CPNE8: variants seen among roughly 807,000 people sequenced by gnomAD.
CPNE8 encodes copine-8.
Under a neutral mutation model 81.5 loss-of-function variants are expected in CPNE8, and 45 were observed. The observed-to-expected ratio is 0.55, with a 90% CI of 0.44 to 0.71. The LOEUF (loss-of-function observed/expected upper bound fraction) is 0.71. Among genes scored for constraint, CPNE8 ranks in the 30% least tolerant of loss-of-function variants. CPNE8 has a pLI of 0.00. For missense variants in CPNE8, 594 were observed against 672.1 expected, an observed-to-expected ratio of 0.88 and a Z score of 1.28; for synonymous variants, 252 against 226.3, an observed-to-expected ratio of 1.11 and a Z score of -1.02.
chr12:38,797,420 C>T (rs192883115), intron 6 of CPNE8, among the ~76,000 whole-genome samples: 54 of 152,280 alleles, frequency 3.5e-4, no homozygotes, highest in South Asian at 1.0e-3. Flanking sequence ...GACACGGCTG[C>T]GGATACCCAG....
At chr12:38,717,438 T>TATATATATATATATATAC (rs1940430025) in intron 13 of CPNE8, among the ~76,000 whole-genome samples, 1 of 128,356 alleles carries the variant, frequency 7.8e-6, no homozygotes, top group Admixed American at 7.6e-5. Context: ...TGTATATATA[T>TATATATATATATATATAC]ATATATATAT....
At chr12:38,700,549 T>C (rs781542950) in intron 14 of CPNE8, among the ~76,000 whole-genome samples, 13 of 152,164 alleles carry the variant, frequency 8.5e-5, no homozygotes, top group South Asian at 2.1e-4. Flanking sequence ...TATTTCTAGT[T>C]TGTGGAGTGT....
chr12:38,827,624 G>A (rs984271123), intron 6 of CPNE8, among the ~76,000 whole-genome samples: 1 of 152,144 alleles, frequency 6.6e-6, no homozygotes, highest in African/African-American at 2.4e-5. Flanking sequence ...ATACAACATG[G>A]AATATTATAT....
chr12:38,696,156 C>G (rs1313533733), intron 14 of CPNE8, among the ~76,000 whole-genome samples: 1 of 151,990 alleles, frequency 6.6e-6, no homozygotes, highest in East Asian at 1.9e-4. Flanking sequence ...AAAGATGTTA[C>G]CTATCTCTTT....
chr12:38,746,568 A>G (rs564889361), intron 10 of CPNE8, among the ~76,000 whole-genome samples: 67 of 152,368 alleles, frequency 4.4e-4, no homozygotes, highest in African/African-American at 1.3e-3. Flanking sequence ...CATGATATTG[A>G]GAACTCTGCT....
At chr12:38,808,782 A>G (rs997574185) in intron 6 of CPNE8, among the ~76,000 whole-genome samples, 1 of 151,690 alleles carries the variant, frequency 6.6e-6, no homozygotes, top group East Asian at 1.9e-4. Context: ...AAAAAAGACT[A>G]TATAAAAAAA....
Position 38,705,479 on chromosome 12 carries a change from AT to A in CPNE8, c.915-2559del, listed in dbSNP as rs560841459. Among the ~76,000 whole-genome samples the A allele has an allele frequency of 1.5e-3, 221 of 152,240 alleles. 1 individual carries two copies. The highest frequency in any genetic ancestry group is 5.0e-3 in the African/African-American group (208 of 41,540). ...CCCTTTATATTAATAGTTATATGGT[AT>A]TTTTTTCTCAGAGTAGAAATCAGGT... On this transcript the variant is annotated intron_variant, in intron 13 of 19. Coordinates refer to ENST00000331366, the MANE Select transcript of CPNE8 (RefSeq NM_153634.3).
chr12:38,879,643 C>G (rs1046805486), intron 1 of CPNE8, among the ~76,000 whole-genome samples: 3 of 152,014 alleles, frequency 2.0e-5, no homozygotes, highest in Non-Finnish European at 4.4e-5. Flanking sequence ...CAGATAAAAT[C>G]ACCTAATAAA....
At chr12:38,699,286 T>G (rs1474839811) in intron 14 of CPNE8, among the ~76,000 whole-genome samples, 1 of 152,214 alleles carries the variant, frequency 6.6e-6, no homozygotes, top group Non-Finnish European at 1.5e-5. Context: ...ATCAGTATAC[T>G]ATAAAAAGAT....
chr12:38,870,096 G>A (rs1166956918), intron 3 of CPNE8, among the ~76,000 whole-genome samples: 1 of 152,236 alleles, frequency 6.6e-6, no homozygotes, highest in Non-Finnish European at 1.5e-5. Context: ...CAAGGGCTGT[G>A]TAGCCAGATG....
chr12:38,779,018 C>T (rs1941991667), intron 6 of CPNE8, among the ~76,000 whole-genome samples: 1 of 152,122 alleles, frequency 6.6e-6, no homozygotes, highest in African/African-American at 2.4e-5. Context: ...CAGCATCCTT[C>T]CAGCATCCTT....
At chr12:38,878,241 C>A (rs1452911412) in intron 1 of CPNE8, among the ~76,000 whole-genome samples, 1 of 152,202 alleles carries the variant, frequency 6.6e-6, no homozygotes, top group Non-Finnish European at 1.5e-5. Flanking sequence ...AACTTGCTTT[C>A]ACTTTATTGA....
chr12:38,869,281 T>A (rs1943957719), intron 3 of CPNE8, among the ~76,000 whole-genome samples: 1 of 152,214 alleles, frequency 6.6e-6, no homozygotes. Flanking sequence ...AGTTTTGTTA[T>A]CCTTTTACAA....
intron 16 of CPNE8, chr12:38,679,520 T>G: frequency 3.5e-4 from 307 of 874,504 alleles, no homozygotes; most frequent in Non-Finnish European, 3.9e-4. Flanking sequence ...GAAAGTTGCA[T>G]GAGTTTATTG....
chr12:38,782,342 G>A (rs1942073251), intron 6 of CPNE8, among the ~76,000 whole-genome samples: 3 of 152,062 alleles, frequency 2.0e-5, no homozygotes, highest in Admixed American at 6.6e-5. Flanking sequence ...TTTAGAAGAG[G>A]AAAATATACC....
At chr12:38,774,416 T>C (rs1342333195) in intron 7 of CPNE8, among the ~76,000 whole-genome samples, 3 of 152,288 alleles carry the variant, frequency 2.0e-5, no homozygotes, top group East Asian at 3.9e-4. Flanking sequence ...GAGACAAGTA[T>C]AAATGATGAT....
At chr12:38,654,092 G>C (rs754086958) in intron 19 of CPNE8, 22 bp from the exon 20 acceptor site, 1 of 1,572,082 alleles carries the variant, frequency 6.4e-7, no homozygotes, top group Non-Finnish European at 8.6e-7. Context: ...ACGAAAGAAA[G>C]TTATTTCACA....
chr12:38,746,070 G>A (rs748845323), intron 10 of CPNE8, among the ~76,000 whole-genome samples: 54 of 152,064 alleles, frequency 3.6e-4, no homozygotes, highest in Non-Finnish European at 6.8e-4. Context: ...TGTATTTCTC[G>A]CAATCAGTAA....
chr12:38,848,069 C>A (rs1943585406), intron 4 of CPNE8, among the ~76,000 whole-genome samples: 1 of 152,024 alleles, frequency 6.6e-6, no homozygotes, highest in African/African-American at 2.4e-5. Context: ...TTTAATATGC[C>A]AGACTTAGTA....
Sources: gnomAD v4.1 joint callset for allele counts (sites outside exome capture counted in the v4.1 genomes callset) on GRCh38, gnomAD v4.1.1 for gene constraint, MANE v1.5 for transcripts, NCBI Gene and HGNC (gene_info 2026-07-23, HGNC 2026-07-21) for gene names.